The following DLGAP2 variants were observed in gnomAD, a reference collection of about 807,000 sequenced individuals.
DLGAP2 encodes the protein disks large-associated protein 2.
DLGAP2 carries 26 observed loss-of-function variants against 100.3 expected under a neutral mutation model. The ratio of observed to expected loss-of-function variants is 0.26; its 90% confidence interval spans 0.19 to 0.36. The LOEUF (loss-of-function observed/expected upper bound fraction) is 0.36, where lower values mean the gene tolerates loss of function less well. Ranked by LOEUF, DLGAP2 falls within the 10% of genes least tolerant of loss-of-function variation. The probability of loss-of-function intolerance (pLI) is 1.00; values close to 1 mark genes in which losing one functional copy is unlikely to be tolerated. For missense variants in DLGAP2, 1,858 were observed against 1,453.2 expected, an observed-to-expected ratio of 1.28 and a Z score of -4.53; for synonymous variants, 886 against 630.1, an observed-to-expected ratio of 1.41 and a Z score of -6.08.
At chr8:1,335,689 A>G (rs1035980551) in intron 3 of DLGAP2, among the ~76,000 whole-genome samples, 5 of 152,164 alleles carry the variant, frequency 3.3e-5, no homozygotes, top group Non-Finnish European at 7.4e-5. Flanking sequence ...TCCAGGAAGA[A>G]CACATATTGT....
intron 3 of DLGAP2, among the ~76,000 whole-genome samples, chr8:1,382,511 G>T (rs184565825): frequency 1.2e-4 from 19 of 152,336 alleles, no homozygotes; most frequent in African/African-American, 3.1e-4. Flanking sequence ...AGGGGCAGGA[G>T]AATTGCTTGA....
At chr8:1,306,209 C>G (rs1024163569) in intron 3 of DLGAP2, among the ~76,000 whole-genome samples, 4 of 151,850 alleles carry the variant, frequency 2.6e-5, no homozygotes, top group Admixed American at 6.6e-5. Flanking sequence ...CCCACACACA[C>G]CTACACAAGG....
intron 2 of DLGAP2, among the ~76,000 whole-genome samples, chr8:1,094,701 GC>G (rs1804307851): frequency 1.3e-5 from 2 of 152,340 alleles, no homozygotes; most frequent in South Asian, 4.1e-4. Flanking sequence ...CGTGCAGCGG[GC>G]ACAAGAGTGG....
intron 3 of DLGAP2, among the ~76,000 whole-genome samples, chr8:1,365,292 T>C (rs1264238383): frequency 6.6e-6 from 1 of 152,116 alleles, no homozygotes; most frequent in Admixed American, 6.5e-5. Context: ...GCTCAGGTGC[T>C]GAGCCTGGGA....
chr8:1,066,958 G>A (rs1388544271), intron 2 of DLGAP2, among the ~76,000 whole-genome samples: 1 of 152,196 alleles, frequency 6.6e-6, no homozygotes, highest in Non-Finnish European at 1.5e-5. Context: ...GCGGCCCAGT[G>A]GCTTCTGCCG....
chr8:1,465,940 G>C (rs1253550551), intron 3 of DLGAP2, among the ~76,000 whole-genome samples: 2 of 152,174 alleles, frequency 1.3e-5, no homozygotes, highest in African/African-American at 4.8e-5. Flanking sequence ...CCCTGCCTTG[G>C]GGAGAGAAAG....
At chr8:1,151,253 T>G (rs1026646791) in intron 2 of DLGAP2, among the ~76,000 whole-genome samples, 1 of 152,196 alleles carries the variant, frequency 6.6e-6, no homozygotes, top group African/African-American at 2.4e-5. Context: ...GATAGATTCA[T>G]AGGAGAAAAG....
chr8:846,641 A>G (rs1797076248), intron 1 of DLGAP2, among the ~76,000 whole-genome samples: 1 of 152,210 alleles, frequency 6.6e-6, no homozygotes, highest in South Asian at 2.1e-4. Flanking sequence ...TTTCCTTTTG[A>G]TAATACCCAG....
chr8:1,634,245 A>G lies in DLGAP2; in HGVS notation c.1810+1199A>G, dbSNP rs188300277. 3.6e-3 allele frequency among the ~76,000 whole-genome samples: 551 copies of G among 152,318 alleles called. 2 individuals carry two copies. The highest frequency in any genetic ancestry group is 3.8e-3 in the Non-Finnish European group (260 of 68,030). On this transcript the variant is annotated intron_variant, in intron 8 of 14. Transcript: ENST00000637795. ...TGCATAAATTTAAAGATTATTTTTCAAAGAAAGCTGTGGATCCTCGGTGTG... is the reference window on the plus strand; with the variant it reads ...TGCATAAATTTAAAGATTATTTTTCGAAGAAAGCTGTGGATCCTCGGTGTG...
chr8:1,343,231 C>T (rs139240600), intron 3 of DLGAP2, among the ~76,000 whole-genome samples: 26 of 152,292 alleles, frequency 1.7e-4, no homozygotes, highest in Non-Finnish European at 2.8e-4. Flanking sequence ...CGATTAAGTC[C>T]GCCACGGTGA....
intron 2 of DLGAP2, among the ~76,000 whole-genome samples, chr8:1,126,899 C>G (rs1397186106): frequency 6.6e-6 from 1 of 151,868 alleles, no homozygotes; most frequent in Non-Finnish European, 1.5e-5. Context: ...CTCCAGCCAG[C>G]TCCTCCTGAG....
intron 3 of DLGAP2, among the ~76,000 whole-genome samples, chr8:1,266,439 G>T (rs1221068227): frequency 6.6e-6 from 1 of 152,184 alleles, no homozygotes; most frequent in Non-Finnish European, 1.5e-5. Flanking sequence ...GAAGCTCCAA[G>T]AATCCCTCTC....
chr8:800,642 CTATGTGTGCACATGCGTGTGCATGTG>C (rs1181775820), intron 1 of DLGAP2, among the ~76,000 whole-genome samples: 2 of 151,978 alleles, frequency 1.3e-5, no homozygotes, highest in African/African-American at 4.8e-5. Context: ...GTGTGCATGT[CTATGTGTGCACATGCGTGTGCATGTG>C]TGTACATGTA....
intron 1 of DLGAP2, among the ~76,000 whole-genome samples, chr8:886,092 A>G (rs1797916308): frequency 6.6e-6 from 1 of 152,196 alleles, no homozygotes; most frequent in Admixed American, 6.5e-5. Context: ...TTATTGTTCC[A>G]TTCAGGGATT....
intron 2 of DLGAP2, among the ~76,000 whole-genome samples, chr8:963,002 G>C (rs975133796): frequency 6.6e-6 from 1 of 152,224 alleles, no homozygotes; most frequent in Non-Finnish European, 1.5e-5. Flanking sequence ...TGTGGGAATG[G>C]GCAGCCCTCG....
chr8:914,898 G>C (rs917012646), intron 2 of DLGAP2, among the ~76,000 whole-genome samples: 6 of 152,166 alleles, frequency 3.9e-5, no homozygotes, highest in African/African-American at 1.2e-4. Flanking sequence ...TAGACCTACA[G>C]TTACTTTTTG....
chr8:1,458,624 A>T (rs1056967314), intron 3 of DLGAP2, among the ~76,000 whole-genome samples: 2 of 152,224 alleles, frequency 1.3e-5, no homozygotes, highest in African/African-American at 4.8e-5. Context: ...ATCAAACTCA[A>T]AACAATCTCT....
intron 3 of DLGAP2, among the ~76,000 whole-genome samples, chr8:1,391,059 C>T (rs1167258483): frequency 6.6e-6 from 1 of 152,138 alleles, no homozygotes; most frequent in Non-Finnish European, 1.5e-5. Flanking sequence ...TACAACAGGA[C>T]CTTGAAAATG....
At chr8:1,441,298 C>T (rs1336205110) in intron 3 of DLGAP2, among the ~76,000 whole-genome samples, 1 of 152,088 alleles carries the variant, frequency 6.6e-6, no homozygotes, top group Non-Finnish European at 1.5e-5. Context: ...AATTACGTTA[C>T]TTATGTCTGT....
Sources: allele counts gnomAD v4.1 joint callset (sites outside exome capture counted in the v4.1 genomes callset), GRCh38; gene constraint gnomAD v4.1.1; transcripts MANE v1.5; gene names NCBI Gene and HGNC (gene_info 2026-07-23, HGNC 2026-07-21).